SEMA3E: variants seen among roughly 807,000 people sequenced by gnomAD.
SEMA3E encodes the protein semaphorin-3E.
A neutral mutation model predicts 93.6 loss-of-function variants in SEMA3E; 49 were observed. The observed-to-expected ratio is 0.52, with a 90% confidence interval of 0.42 to 0.66. The LOEUF is 0.66. Among genes scored for constraint, SEMA3E ranks in the 30% least tolerant of loss-of-function variants. The pLI, the probability that SEMA3E is intolerant of heterozygous loss-of-function variation, is 0.00. For missense variants in SEMA3E, 906 were observed against 964.8 expected (o/e 0.94, Z 0.81); for synonymous variants, 363 against 330.7 (o/e 1.10, Z -1.06).
chr7:83,513,838 T>C (rs1004599577), intron 1 of SEMA3E, among the ~76,000 whole-genome samples: 1 of 152,140 alleles, frequency 6.6e-6, no homozygotes, highest in African/African-American at 2.4e-5. Context: ...TTCAAGGCTT[T>C]TAATATAAAT....
chr7:83,562,134 G>A (rs1041972388), intron 1 of SEMA3E, among the ~76,000 whole-genome samples: 3 of 152,132 alleles, frequency 2.0e-5, no homozygotes, highest in East Asian at 1.9e-4. Context: ...GGAAACATTT[G>A]AAAAGGATTT....
At chr7:83,377,803 T>A (rs1186254905) in intron 16 of SEMA3E, among the ~76,000 whole-genome samples, 2 of 152,016 alleles carry the variant, frequency 1.3e-5, no homozygotes, top group African/African-American at 2.4e-5. Context: ...TATTTAAATT[T>A]TTCCTCATTT....
Position 83,630,193 on chromosome 7 carries a change from G to A in SEMA3E, c.115+18235C>T, listed in dbSNP as rs545642882. Among the ~76,000 whole-genome samples, 12 of 152,262 alleles carry A rather than the reference G, an allele frequency of 7.9e-5. 1 individual carries two copies. Among genetic ancestry groups the A allele is most frequent in the South Asian group, 4.1e-4 (2 of 4,822 alleles). On this transcript the variant is annotated intron_variant, in intron 1 of 16. Transcript: ENST00000643230. ...CAGAAATCACTTGCCTTCTGTGTTC[G>A]TCTCACTGGGAGCTGCAGATGGGAG...
chr7:83,611,121 C>T (rs754334375), intron 1 of SEMA3E, among the ~76,000 whole-genome samples: 9 of 151,124 alleles, frequency 6.0e-5, no homozygotes, highest in Non-Finnish European at 1.2e-4. Flanking sequence ...ACCCTGCTGT[C>T]TCTCTGCATC....
chr7:83,543,119 T>C (rs1170362823), intron 1 of SEMA3E, among the ~76,000 whole-genome samples: 1 of 152,048 alleles, frequency 6.6e-6, no homozygotes, highest in East Asian at 1.9e-4. Context: ...TTTATTATAG[T>C]GTATGCTCAG....
chr7:83,596,830 A>T (rs77811326), intron 1 of SEMA3E, among the ~76,000 whole-genome samples: 2,715 of 152,192 alleles, frequency 0.018, 35 homozygotes, highest in Non-Finnish European at 0.028. Context: ...GCTGCTTATT[A>T]AAGTTGTCAT....
At chr7:83,476,004 A>G (rs2115919434) in intron 2 of SEMA3E, among the ~76,000 whole-genome samples, 1 of 152,094 alleles carries the variant, frequency 6.6e-6, no homozygotes, top group Middle Eastern at 3.4e-3. Flanking sequence ...TAGTGTTCTT[A>G]TTTTCTCTAT....
Position 83,405,917 on chromosome 7 carries a change from C to A in SEMA3E, c.928+28G>T, listed in dbSNP as rs1388971323. ...ATAAAGAAGCATATACATAAAAGAG[C>A]AAATTTAATTCACCTAAAAACATTT... is the stretch of plus-strand genomic sequence containing the variant. On this transcript the variant is annotated intron_variant, in intron 8 of 16. Coordinates refer to ENST00000643230, the MANE Select transcript of SEMA3E (RefSeq NM_012431.3). The A allele has an allele frequency of 2.0e-6, 3 of 1,520,664 alleles. No individual in the cohort carries two copies. In the East Asian group the frequency reaches 6.8e-5, roughly 34 times the overall value. 94.2% of individuals were successfully genotyped at this position (1,520,664 alleles called of 1,614,324 possible).
chr7:83,456,656 C>T (rs1789487042), intron 4 of SEMA3E, among the ~76,000 whole-genome samples: 1 of 145,818 alleles, frequency 6.9e-6, no homozygotes, highest in Non-Finnish European at 1.5e-5. Flanking sequence ...TCTTGTTGCC[C>T]AGGCCGGAGT....
intron 1 of SEMA3E, among the ~76,000 whole-genome samples, chr7:83,527,411 G>A (rs1249186080): frequency 6.6e-6 from 1 of 152,086 alleles, no homozygotes; most frequent in African/African-American, 2.4e-5. Context: ...GACAAATAAG[G>A]AGAAAGGAAG....
intron 1 of SEMA3E, among the ~76,000 whole-genome samples, chr7:83,511,659 T>A (rs1394288857): frequency 6.6e-6 from 1 of 151,932 alleles, no homozygotes; most frequent in Non-Finnish European, 1.5e-5. Flanking sequence ...GCGAGACAGG[T>A]GGATCACCTG....
chr7:83,392,584 C>T lies in SEMA3E; in HGVS notation c.1638G>A (p.Arg546=), dbSNP rs746526133. The change falls in exon 14 of 17, where the codon CGG becomes CGA. Residue 546 remains arginine (R), a synonymous_variant. Coordinates refer to ENST00000643230, the MANE Select transcript of SEMA3E (RefSeq NM_012431.3). ...TTGCATGTGTGCCTGTTGGGTAATA[C>T]CGGGAGCAGGATATGCCATCCCAGG... is the stretch of plus-strand genomic sequence containing the variant. ...YCAWDGISCS[R]YYPTGTHAKR... 6 of 1,613,448 alleles carry T rather than the reference C, an allele frequency of 3.7e-6. No individual in the cohort carries two copies.
intron 16 of SEMA3E, among the ~76,000 whole-genome samples, chr7:83,381,654 A>C (rs751615503): frequency 6.6e-6 from 1 of 151,956 alleles, no homozygotes; most frequent in Non-Finnish European, 1.5e-5. Context: ...GGACATAGTA[A>C]GTGCTTAATA....
Position 83,405,996 on chromosome 7 carries a change from C to A in SEMA3E, c.877G>T (p.Val293Phe). 1.2e-6 allele frequency: 2 copies of A among 1,613,344 alleles called. No individual in the cohort carries two copies. Among genetic ancestry groups the A allele is most frequent in the Non-Finnish European group, 8.5e-7 (1 of 1,179,492 alleles). The change falls in exon 8 of 17, where the codon GTT becomes TTT. Residue 293 changes from valine to phenylalanine, a missense_variant. Coordinates refer to ENST00000643230, the MANE Select transcript of SEMA3E (RefSeq NM_012431.3). Reference protein sequence around the residue: ...KWSTFLKARLVCSVPGMNGID... With the variant: ...KWSTFLKARLFCSVPGMNGID... ...CCATTCATTCCTGGTACTGAGCAAA[C>A]GAGTCTCGCTTTTAGGAAAGTGCTC...
chr7:83,428,361 ATTTAT>A lies in SEMA3E; in HGVS notation c.457-9883_457-9879del, dbSNP rs900789901. Among the ~76,000 whole-genome samples, 3 of 152,340 alleles carry A rather than the reference ATTTAT, an allele frequency of 2.0e-5. No homozygotes were observed. The East Asian group carries it at 5.8e-4, about 29-fold the overall frequency. ...GTACTACAGGACAAAACAAACAATC[ATTTAT>A]TTTATTAGCTATTTCTAGTGATTAG... On this transcript the variant is annotated intron_variant, in intron 4 of 16. Coordinates refer to ENST00000643230, the MANE Select transcript of SEMA3E (RefSeq NM_012431.3).
chr7:83,606,620 G>A (rs1351151589), intron 1 of SEMA3E, among the ~76,000 whole-genome samples: 1 of 136,762 alleles, frequency 7.3e-6, no homozygotes, highest in African/African-American at 2.7e-5. Flanking sequence ...GGTGGGGTCG[G>A]GGGAGGGGGG....
intron 1 of SEMA3E, among the ~76,000 whole-genome samples, chr7:83,639,824 C>T (rs1335366466): frequency 6.6e-6 from 1 of 151,754 alleles, no homozygotes; most frequent in Non-Finnish European, 1.5e-5. Flanking sequence ...CTTTCCACTA[C>T]AGCATACTAT....
At chr7:83,573,674 T>A (rs908037758) in intron 1 of SEMA3E, among the ~76,000 whole-genome samples, 1 of 152,046 alleles carries the variant, frequency 6.6e-6, no homozygotes, top group Non-Finnish European at 1.5e-5. Context: ...TTACTTAATA[T>A]CTATTGTGTA....
chr7:83,519,055 T>G (rs1256577887), intron 1 of SEMA3E, among the ~76,000 whole-genome samples: 1 of 152,072 alleles, frequency 6.6e-6, no homozygotes, highest in Non-Finnish European at 1.5e-5. Context: ...TGTGCCATGC[T>G]GGTGTGCTGC....
Sources: allele counts gnomAD v4.1 joint callset (sites outside exome capture counted in the v4.1 genomes callset), GRCh38; gene constraint gnomAD v4.1.1; transcripts MANE v1.5; gene names NCBI Gene and HGNC (gene_info 2026-07-23, HGNC 2026-07-21).